ZC3H12B: variants seen among roughly 807,000 people sequenced by gnomAD.
ZC3H12B encodes the protein probable ribonuclease ZC3H12B.
Under a neutral mutation model 43.9 loss-of-function variants are expected in ZC3H12B, and 7 were observed. That is an observed-to-expected ratio of 0.16 (90% CI 0.09 to 0.30). The LOEUF is 0.30. ZC3H12B is among the 10% of genes least tolerant of loss of function. ZC3H12B has a pLI of 1.00. For missense variants in ZC3H12B, 475 were observed against 670.2 expected, an observed-to-expected ratio of 0.71 and a Z score of 3.22; for synonymous variants, 222 against 241.7, an observed-to-expected ratio of 0.92 and a Z score of 0.76.
At chrX:65,408,624 A>G (rs1306936792) in intron 3 of ZC3H12B, 10 of 1,105,308 alleles carry the variant, frequency 9.0e-6, no homozygotes, top group Non-Finnish European at 1.2e-5. Flanking sequence ...GCAATAAAAG[A>G]TGACAAGAAG....
chrX:65,180,264 T>A, the ZC3H12B span, among the ~76,000 whole-genome samples: 15 of 111,993 alleles, frequency 1.3e-4, no homozygotes, highest in South Asian at 3.7e-4. Flanking sequence ...CACATAATTA[T>A]CTCAATAGAT....
upstream of ZC3H12B, among the ~76,000 whole-genome samples, chrX:65,487,357 A>G (rs182724535): frequency 1.7e-4 from 19 of 112,121 alleles, no homozygotes; most frequent in East Asian, 4.5e-3. Context: ...CCTGGCCAAC[A>G]TGGTGAAACC....
At chrX:65,213,835 A>G in the ZC3H12B span, among the ~76,000 whole-genome samples, 2 of 108,939 alleles carry the variant, frequency 1.8e-5, no homozygotes, top group South Asian at 4.0e-4. Context: ...AGACCACTGT[A>G]TTAAAGCTAA....
chrX:65,170,142 A>C, the ZC3H12B span, among the ~76,000 whole-genome samples: 3 of 111,754 alleles, frequency 2.7e-5, no homozygotes, highest in East Asian at 8.4e-4. Context: ...TGATCTTTAC[A>C]ATTTGGCATG....
At chrX:65,109,093 C>T in the ZC3H12B span, among the ~76,000 whole-genome samples, 2 of 111,509 alleles carry the variant, frequency 1.8e-5, no homozygotes, top group African/African-American at 6.5e-5. Context: ...CATAAGCAAC[C>T]TCCTTCAGTA....
At chrX:65,248,427 T>A in the ZC3H12B span, among the ~76,000 whole-genome samples, 1 of 111,865 alleles carries the variant, frequency 8.9e-6, no homozygotes, top group African/African-American at 3.2e-5. Flanking sequence ...AGTCTTGGAA[T>A]AAGAACTGAT....
At chrX:65,447,703 T>C (rs1018376335) in intron 3 of ZC3H12B, among the ~76,000 whole-genome samples, 1 of 111,843 alleles carries the variant, frequency 8.9e-6, no homozygotes, top group African/African-American at 3.3e-5. Flanking sequence ...GATGAAGGAC[T>C]AATATCCAGA....
chrX:65,201,817 A>T, the ZC3H12B span, among the ~76,000 whole-genome samples: 4 of 107,243 alleles, frequency 3.7e-5, no homozygotes, highest in Non-Finnish European at 5.7e-5. Flanking sequence ...GTGACAGGTA[A>T]TTGAATCATA....
chrX:65,467,051 A>G (rs1182720999), intron 3 of ZC3H12B, among the ~76,000 whole-genome samples: 4 of 97,248 alleles, frequency 4.1e-5, no homozygotes, highest in Admixed American at 1.2e-4. Context: ...TGCACCCATC[A>G]CTAGAGTATG....
the ZC3H12B span, among the ~76,000 whole-genome samples, chrX:65,062,295 C>T: frequency 8.9e-6 from 1 of 112,000 alleles, no homozygotes; most frequent in Non-Finnish European, 1.9e-5. Flanking sequence ...GGTTTTAGGT[C>T]TTACGTTTAA....
chrX:65,076,314 A>C, the ZC3H12B span, among the ~76,000 whole-genome samples: 2 of 109,138 alleles, frequency 1.8e-5, no homozygotes, highest in African/African-American at 6.7e-5. Flanking sequence ...TTTTTGTTTC[A>C]CTTTTGTAGA....
the ZC3H12B span, among the ~76,000 whole-genome samples, chrX:65,143,194 G>A: frequency 9.0e-6 from 1 of 111,123 alleles, no homozygotes; most frequent in Non-Finnish European, 1.9e-5. Flanking sequence ...GTGTTTTGTA[G>A]CTTTCCTTGT....
At chrX:65,475,077 A>G (rs1034259878) in intron 3 of ZC3H12B, among the ~76,000 whole-genome samples, 2 of 112,426 alleles carry the variant, frequency 1.8e-5, no homozygotes, top group African/African-American at 6.5e-5. Context: ...CTTAAATATC[A>G]TACAAAAAAT....
chrX:65,442,466 C>T (rs1278532590), intron 3 of ZC3H12B, among the ~76,000 whole-genome samples: 1 of 110,782 alleles, frequency 9.0e-6, no homozygotes, highest in Admixed American at 9.6e-5. Flanking sequence ...TCCTCTAAGC[C>T]GTTCTATGGC....
chrX:65,419,748 GCA>G lies in ZC3H12B; in HGVS notation n.407+21046_407+21047del, dbSNP rs773498972. On this transcript the variant is annotated intron_variant and non_coding_transcript_variant, in intron 3 of 5. Coordinates refer to the ZC3H12B transcript ENST00000617377. ...TTTTATGGCCCTAGGATCAAGATTG[GCA>G]CCCATGGATCTAGCTTCCAGGATAG... Among the ~76,000 whole-genome samples the G allele has an allele frequency of 5.5e-5, 6 of 109,938 alleles. No individual in the cohort carries two copies. In the East Asian group the frequency reaches 1.7e-3, roughly 32 times the overall value.
At chrX:65,089,761 A>G in the ZC3H12B span, among the ~76,000 whole-genome samples, 2 of 112,152 alleles carry the variant, frequency 1.8e-5, no homozygotes, top group African/African-American at 6.5e-5. Flanking sequence ...AGCTTTTAAA[A>G]TTATTTATAT....
At chrX:65,422,925 CTTTTTTTTTTTTTTTTT>C (rs34567013) in intron 3 of ZC3H12B, among the ~76,000 whole-genome samples, 1 of 46,177 alleles carries the variant, frequency 2.2e-5, no homozygotes, top group South Asian at 1.3e-3. Flanking sequence ...TCTTTCTTTG[CTTTTTTTTTTTTTTTTT>C]TTTTTTTTGA....
intron 2 of ZC3H12B, among the ~76,000 whole-genome samples, chrX:65,392,605 C>A (rs970229182): frequency 1.8e-5 from 2 of 110,361 alleles, no homozygotes; most frequent in African/African-American, 6.6e-5. Flanking sequence ...GGTGCCCCCG[C>A]CCAGCAGCCG....
chrX:65,432,083 G>A (rs930958249), intron 3 of ZC3H12B, among the ~76,000 whole-genome samples: 2 of 112,083 alleles, frequency 1.8e-5, no homozygotes, highest in African/African-American at 3.2e-5. Context: ...AGACAGGACA[G>A]CAGGAGTAGA....
Sources: allele counts gnomAD v4.1 joint callset (sites outside exome capture counted in the v4.1 genomes callset), GRCh38; gene constraint gnomAD v4.1.1; transcripts MANE v1.5; gene names NCBI Gene and HGNC (gene_info 2026-07-23, HGNC 2026-07-21).